The following WDR41 variants were observed in gnomAD, a reference collection of about 807,000 sequenced individuals.
WDR41 encodes the protein WD repeat domain 41.
A neutral mutation model predicts 69.3 loss-of-function variants in WDR41; 63 were observed. The observed-to-expected ratio is 0.91, with a 90% CI of 0.74 to 1.12. The LOEUF (loss-of-function observed/expected upper bound fraction) is 1.12. WDR41 is among the 50% of genes most tolerant of loss of function. The pLI is 0.00. For missense variants in WDR41, 543 were observed against 534.5 expected, an observed-to-expected ratio of 1.02 and a Z score of -0.16; for synonymous variants, 185 against 192.1, an observed-to-expected ratio of 0.96 and a Z score of 0.31.
chr5:77,549,207 C>A (rs1349778693), intron 1 of WDR41, among the ~76,000 whole-genome samples: 1 of 151,912 alleles, frequency 6.6e-6, no homozygotes, highest in Non-Finnish European at 1.5e-5. Flanking sequence ...GATGGGTGCA[C>A]CAAAATCTCA....
At chr5:77,471,636 AT>A (rs1800617262) in intron 2 of WDR41, among the ~76,000 whole-genome samples, 1 of 152,210 alleles carries the variant, frequency 6.6e-6, no homozygotes, top group East Asian at 1.9e-4. Flanking sequence ...CCATCAGAGA[AT>A]ACTAAAAACA....
At chr5:77,461,400 T>C (rs1362859534) in intron 4 of WDR41, among the ~76,000 whole-genome samples, 4 of 152,348 alleles carry the variant, frequency 2.6e-5, no homozygotes, top group East Asian at 3.9e-4. Flanking sequence ...AGCACTTCAG[T>C]TGATGAACTC....
At chr5:77,463,339 ATTAC>A (rs1800153400) in intron 3 of WDR41, 113 bp from the exon 4 acceptor site, 1 of 949,814 alleles carries the variant, frequency 1.1e-6, no homozygotes, top group Non-Finnish European at 1.4e-6. Flanking sequence ...TCCATTTAAA[ATTAC>A]TTATTCAGAA....
In WDR41 at chr5:77,489,543, T is replaced by A; in HGVS notation, c.81A>T (p.Glu27Asp). ...GTTCAGTGTAGGGATTCTGGGTTTG[T>A]TCTTCACCTATTGTCTGTAAAGGAG... is the stretch of plus-strand genomic sequence containing the variant. ...EKSPLQTIGE[E>D]QTQNPYTELL... The change falls in exon 2 of 13, where the codon GAA becomes GAT. Residue 27 changes from glutamate to aspartate, a missense_variant. Glu to Asp is a conservative substitution (Grantham distance 45). Transcript: ENST00000296679. 6.2e-7 allele frequency: 1 copy of A among 1,607,170 alleles called. No homozygotes were observed. The highest frequency in any genetic ancestry group is 8.5e-7 in the Non-Finnish European group (1 of 1,177,804).
intron 12 of WDR41, among the ~76,000 whole-genome samples, chr5:77,435,760 A>T (rs1346593142): frequency 2.6e-5 from 4 of 152,362 alleles, no homozygotes; most frequent in African/African-American, 9.6e-5. Context: ...TACGCATTTC[A>T]TAATTTTCAA....
intron 1 of WDR41, among the ~76,000 whole-genome samples, chr5:77,564,155 C>T (rs529253023): frequency 2.5e-3 from 379 of 152,218 alleles, no homozygotes; most frequent in African/African-American, 8.7e-3. Flanking sequence ...TTCATCCATC[C>T]CCTAAAAGAG....
At chr5:77,508,367 T>G (rs1460041) in intron 1 of WDR41, among the ~76,000 whole-genome samples, 95,823 of 152,106 alleles carry the variant, frequency 0.63, 31,826 homozygotes, top group African/African-American at 0.84. Flanking sequence ...ACCTGCCTGG[T>G]TCTCCCAAAG....
chr5:77,567,910 A>G (rs1743663452), intron 1 of WDR41, among the ~76,000 whole-genome samples: 1 of 151,774 alleles, frequency 6.6e-6, no homozygotes, highest in African/African-American at 2.4e-5. Context: ...GGGTCCATGG[A>G]CCACATGTTG....
rs1437438593 is a variant in WDR41 at position 77,431,935 on chromosome 5, G to C, written c.*1200C>G. 1 of 152,082 alleles carries C rather than the reference G, an allele frequency of 6.6e-6. No homozygotes were observed. Among genetic ancestry groups the C allele is most frequent in the Non-Finnish European group, 1.5e-5 (1 of 68,024 alleles). The allele number at this position is 152,082 out of a possible 1,614,324, so 9.4% of individuals were successfully genotyped here. ...TTTTAGAGCTGCTTGGTGATACTGG[G>C]CACTACAGATTTAATTGCAAGGCCT... On this transcript the variant is annotated 3_prime_UTR_variant, in exon 13 of 13. Transcript: ENST00000296679.
chr5:77,515,666 G>A (rs1421237107), intron 1 of WDR41, among the ~76,000 whole-genome samples: 1 of 152,104 alleles, frequency 6.6e-6, no homozygotes, highest in Non-Finnish European at 1.5e-5. Context: ...CATGAGTCAT[G>A]CATTGCACTT....
chr5:77,502,281 A>T (rs1802028551), intron 1 of WDR41, among the ~76,000 whole-genome samples: 1 of 152,222 alleles, frequency 6.6e-6, no homozygotes, highest in East Asian at 1.9e-4. Context: ...GTGATTGAAG[A>T]TCAAATTAAT....
chr5:77,494,343 T>G (rs112668432), upstream of WDR41, among the ~76,000 whole-genome samples: 2,805 of 151,482 alleles, frequency 0.019, 64 homozygotes, highest in African/African-American at 0.055. Flanking sequence ...ATAAATAGAT[T>G]AAACTGTCCA....
At chr5:77,603,543 G>T (rs951023537) in intron 1 of WDR41, among the ~76,000 whole-genome samples, 1 of 152,148 alleles carries the variant, frequency 6.6e-6, no homozygotes, top group Non-Finnish European at 1.5e-5. Flanking sequence ...ACTGTTGATT[G>T]TTTCTGTTGC....
chr5:77,555,793 A>ATAAAGATG (rs1199903864), intron 1 of WDR41, among the ~76,000 whole-genome samples: 18 of 152,348 alleles, frequency 1.2e-4, no homozygotes, highest in Non-Finnish European at 8.8e-5. Context: ...AGACAAATTC[A>ATAAAGATG]TAAAGATGTA....
intron 5 of WDR41, among the ~76,000 whole-genome samples, chr5:77,454,921 T>C (rs891948923): frequency 3.9e-5 from 6 of 152,242 alleles, no homozygotes; most frequent in East Asian, 1.9e-4. Context: ...GATGGACATA[T>C]AGATTGTTTC....
intron 1 of WDR41, among the ~76,000 whole-genome samples, chr5:77,608,506 A>T (rs565107642): frequency 2.6e-5 from 4 of 152,286 alleles, no homozygotes; most frequent in Admixed American, 6.5e-5. Flanking sequence ...AAAGTAAAAT[A>T]AAAAAACCAG....
chr5:77,453,752 T>C (rs934551498), intron 6 of WDR41, 65 bp downstream of exon 6: 2 of 1,319,144 alleles, frequency 1.5e-6, no homozygotes, highest in Non-Finnish European at 1.1e-6. Context: ...GGAAAGTCTC[T>C]CTGAAGATCT....
intron 1 of WDR41, among the ~76,000 whole-genome samples, chr5:77,497,487 A>G (rs1057284661): frequency 1.1e-4 from 16 of 152,198 alleles, no homozygotes; most frequent in African/African-American, 3.9e-4. Flanking sequence ...GTCATTAAGC[A>G]CCTGAAAAGA....
chr5:77,604,006 G>A (rs1325996161), intron 1 of WDR41, among the ~76,000 whole-genome samples: 1 of 152,158 alleles, frequency 6.6e-6, no homozygotes, highest in Non-Finnish European at 1.5e-5. Flanking sequence ...GTCAGGTAGT[G>A]TGATGGCTCC....
Sources: gnomAD v4.1 joint callset for allele counts (sites outside exome capture counted in the v4.1 genomes callset) on GRCh38, gnomAD v4.1.1 for gene constraint, MANE v1.5 for transcripts, NCBI Gene and HGNC (gene_info 2026-07-23, HGNC 2026-07-21) for gene names.